Variants in ARAP3 observed in about 807,000 individuals in gnomAD.
The protein encoded by ARAP3 is ArfGAP with RhoGAP domain, ankyrin repeat and PH domain 3.
A neutral mutation model predicts 169.2 loss-of-function variants in ARAP3; 82 were observed. The observed-to-expected ratio is 0.48, with a 90% CI of 0.41 to 0.58. The LOEUF (loss-of-function observed/expected upper bound fraction) is 0.58, where lower values mean the gene tolerates loss of function less well. Ranked by LOEUF, ARAP3 falls within the 20% of genes least tolerant of loss-of-function variation. The pLI is 0.00. For missense variants in ARAP3, 1,764 were observed against 2,018.0 expected, an observed-to-expected ratio of 0.87 and a Z score of 2.41; for synonymous variants, 791 against 800.3, an observed-to-expected ratio of 0.99 and a Z score of 0.20.
At chr5:141,661,991 G>A (rs1044379666) in intron 20 of ARAP3, 52 bp downstream of exon 20, 8 of 1,603,876 alleles carry the variant, frequency 5.0e-6, no homozygotes, top group South Asian at 1.1e-5. Context: ...ATTCTGGTGG[G>A]GGAAGGCAGA....
Position 141,673,396 on chromosome 5 carries a change from C to T in ARAP3, c.972+5G>A. ...TCCATATCGTCACATCTCCCAGCCC[C>T]CCACCTTGTCACTGCCAAAGTACAT... On this transcript the variant is annotated splice_donor_5th_base_variant and intron_variant, in intron 6 of 32. Coordinates refer to ENST00000239440, the MANE Select transcript of ARAP3 (RefSeq NM_022481.6). The T allele has an allele frequency of 1.9e-6, 3 of 1,614,116 alleles. No individual in the cohort carries two copies. Among genetic ancestry groups the T allele is most frequent in the Non-Finnish European group, 2.5e-6 (3 of 1,179,998 alleles).
chr5:141,668,760 G>A (rs940137511), intron 16 of ARAP3, among the ~76,000 whole-genome samples: 9 of 152,206 alleles, frequency 5.9e-5, no homozygotes, highest in Admixed American at 5.2e-4. Flanking sequence ...AGTGCCGGAT[G>A]CTGCAGAGAT....
At chr5:141,665,470 G>A (rs2099910506) in intron 17 of ARAP3, 96 bp from the exon 18 acceptor site, 2 of 1,323,078 alleles carry the variant, frequency 1.5e-6, no homozygotes, top group East Asian at 2.3e-5. Context: ...GCCAGGCTAG[G>A]AGCATTACAA....
intron 4 of ARAP3, 151 bp from the exon 5 acceptor site, chr5:141,673,959 C>CTTTTTTTTTTT (rs10712701): frequency 1.5e-5 from 5 of 341,224 alleles, no homozygotes; most frequent in South Asian, 3.6e-5. Flanking sequence ...TTCTTTTCTT[C>CTTTTTTTTTTT]TTTTTTTTTT....
intron 17 of ARAP3, among the ~76,000 whole-genome samples, chr5:141,665,900 G>A (rs193017773): frequency 2.6e-5 from 4 of 151,666 alleles, no homozygotes; most frequent in South Asian, 2.1e-4. Context: ...GCGTGGTGGC[G>A]GACACCTGTA....
At chr5:141,660,490 T>C in intron 21 of ARAP3, among the ~76,000 whole-genome samples, 1 of 145,530 alleles carries the variant, frequency 6.9e-6, no homozygotes, top group African/African-American at 2.5e-5. Context: ...CAAGACTCCG[T>C]CTCAAAAAAA....
chr5:141,666,640 A>G lies in ARAP3; in HGVS notation c.2356T>C (p.Phe786Leu), dbSNP rs1420547540. Reference protein sequence around the residue: ...EAWTSAVGKWFSPLSCHQLLG... With the variant: ...EAWTSAVGKWLSPLSCHQLLG... ...AGCTGGTGGCAGCTCAGCGGGGAGAACCACTGTAGAGGCAGGGGGAGGACA... is the reference window on the plus strand; with the variant it reads ...AGCTGGTGGCAGCTCAGCGGGGAGAGCCACTGTAGAGGCAGGGGGAGGACA... The change falls in exon 17 of 33, where the codon TTC becomes CTC. Residue 786 changes from phenylalanine (F) to leucine (L), a missense_variant. Physicochemically the swap from Phe to Leu is conservative, Grantham distance 22. This residue lies in a region of ARAP3 where 1,112 missense variants were observed against 1,285.7 expected (regional missense o/e 0.86). Coordinates refer to ENST00000239440, the MANE Select transcript of ARAP3 (RefSeq NM_022481.6). 7.1e-7 allele frequency: 1 copy of G among 1,407,340 alleles called. No individual in the cohort carries two copies. The highest frequency in any genetic ancestry group is 9.3e-7 in the Non-Finnish European group (1 of 1,072,754). 87.2% of individuals were successfully genotyped at this position (1,407,340 alleles called of 1,614,324 possible). A position where few individuals can be genotyped will look rare whatever the true frequency, so the allele number is the denominator to read the frequency against.
chr5:141,671,836 G>T lies in ARAP3; in HGVS notation c.1671+59C>A. On this transcript the variant is annotated intron_variant, in intron 11 of 32. Transcript: ENST00000239440. This position sits in a 1 kb window ranked among gnomAD's most constrained non-coding sequence, Gnocchi z 4.9. ...CATTCCTGTCCCCAGGCTGGCCCAA[G>T]GCCTGCTTCTGGACGCTCCCTTCTA... The T allele has an allele frequency of 1.2e-6, 2 of 1,612,776 alleles. No individual in the cohort carries two copies. Among genetic ancestry groups the T allele is most frequent in the Non-Finnish European group, 8.5e-7 (1 of 1,179,038 alleles).
In ARAP3 at chr5:141,653,926, C is replaced by A. The variant is rs2099908853; in HGVS notation, c.*24G>T. The A allele has an allele frequency of 1.3e-6, 2 of 1,510,694 alleles. No homozygotes were observed. The highest frequency in any genetic ancestry group is 2.8e-5 in the African/African-American group (2 of 71,496). The allele number at this position is 1,510,694 out of a possible 1,614,324, so 93.6% of individuals were successfully genotyped here. A position where few individuals can be genotyped will look rare whatever the true frequency, so the allele number is the denominator to read the frequency against. On this transcript the variant is annotated 3_prime_UTR_variant, in exon 33 of 33. Coordinates refer to ENST00000239440, the MANE Select transcript of ARAP3 (RefSeq NM_022481.6). Reference sequence around the variant, plus strand: ...AGTTTCTGGGTCTTCTGGTACCTACCCTCTCAGACTGCTGGTCCTAGGGTC... The same window carrying A: ...AGTTTCTGGGTCTTCTGGTACCTACACTCTCAGACTGCTGGTCCTAGGGTC...
Position 141,673,373 on chromosome 5 carries a change from C to T in ARAP3, c.972+28G>A, listed in dbSNP as rs542476091. On this transcript the variant is annotated intron_variant, in intron 6 of 32. Transcript: ENST00000239440. The stretch of plus-strand genomic sequence containing the variant: ...CTCAGCCCTCCCTCTCCCTCATCTC[C>T]ATATCGTCACATCTCCCAGCCCCCC... The T allele has an allele frequency of 9.0e-5, 145 of 1,613,832 alleles. 1 individual carries two copies. In the East Asian group the frequency reaches 3.1e-3, roughly 35 times the overall value.
Position 141,670,563 on chromosome 5 carries a change from T to G in ARAP3, c.2056A>C (p.Ser686Arg). Residue 686 changes from serine to arginine, a missense_variant, in exon 14 of 33, where the codon AGT (serine) becomes CGT (arginine). Coordinates refer to ENST00000239440, the MANE Select transcript of ARAP3 (RefSeq NM_022481.6). ...RATYSGFLYC[S>R]PVSNKAGPSP... ...GGTCCAGCTTTGTTGCTGACGGGAC[T>G]GCAGTACAGGAAGCCGCTGTAAGTA... The G allele has an allele frequency of 6.2e-7, 1 of 1,614,118 alleles. No individual in the cohort carries two copies. The highest frequency in any genetic ancestry group is 1.3e-5 in the African/African-American group (1 of 75,036).
chr5:141,671,129 G>T lies in ARAP3; in HGVS notation c.1990+136C>A. The T allele has an allele frequency of 1.7e-6, 2 of 1,190,480 alleles. No homozygotes were observed. Among genetic ancestry groups the T allele is most frequent in the Non-Finnish European group, 2.4e-6 (2 of 839,752 alleles). The allele number at this position is 1,190,480 out of a possible 1,614,324, so 73.7% of individuals were successfully genotyped here. A position where few individuals can be genotyped will look rare whatever the true frequency, so the allele number is the denominator to read the frequency against. On this transcript the variant is annotated intron_variant, in intron 13 of 32. Coordinates refer to ENST00000239440, the MANE Select transcript of ARAP3 (RefSeq NM_022481.6). The surrounding 1 kb of genome is among the most constrained non-coding windows in gnomAD (Gnocchi z 4.9). The stretch of plus-strand genomic sequence containing the variant: ...CACATGACATCAGGAGATAGGCCCT[G>T]GAGGATCTGAGGGTTTGGGAAACTG...
In ARAP3 at chr5:141,677,107, T is replaced by TA. The variant is rs535097743; in HGVS notation, c.698+2437dup. Among the ~76,000 whole-genome samples, 65 of 152,256 alleles carry TA rather than the reference T, an allele frequency of 4.3e-4. No homozygotes were observed. In the East Asian group the frequency reaches 0.01, roughly 23 times the overall value. On this transcript the variant is annotated intron_variant, in intron 4 of 32. Coordinates refer to ENST00000239440, the MANE Select transcript of ARAP3 (RefSeq NM_022481.6). Reference sequence around the variant, plus strand: ...TTTTAAACTTTTCAGTAGCCACGTTTAAAAAAATTAAAAGAAACAGGTGAA... The same window carrying TA: ...TTTTAAACTTTTCAGTAGCCACGTTTAAAAAAAATTAAAAGAAACAGGTGAA...
At position 141,661,846 on chromosome 5, in the gene ARAP3, G is replaced by T. The variant is rs2099910016; in HGVS notation, c.3014-57C>A. ...ACCCGGGAAGAAAGAGTGGCAGCTG[G>T]TACAGAGGGAGGGATTTTTAGGCAC... is the stretch of plus-strand genomic sequence containing the variant. On this transcript the variant is annotated intron_variant, in intron 20 of 32. Transcript: ENST00000239440. 22 of 1,580,478 alleles carry T rather than the reference G, an allele frequency of 1.4e-5. No individual in the cohort carries two copies. In the South Asian group the frequency reaches 2.3e-4, roughly 17 times the overall value.
In ARAP3 at chr5:141,680,621, G is replaced by T; in HGVS notation, c.-17-118C>A. The T allele has an allele frequency of 2.1e-6, 3 of 1,400,374 alleles. No individual in the cohort carries two copies. The South Asian group carries it at 4.5e-5, about 21-fold the overall frequency. The allele number at this position is 1,400,374 out of a possible 1,614,324, so 86.7% of individuals were successfully genotyped here. On this transcript the variant is annotated intron_variant, in intron 1 of 32. Coordinates refer to ENST00000239440, the MANE Select transcript of ARAP3 (RefSeq NM_022481.6). ...CAATCTTCCTCCAAAGAAAGATGCT[G>T]AAAGGCCTGCGATCTGGAAGCAGAG... is the stretch of plus-strand genomic sequence containing the variant.
In ARAP3 at chr5:141,655,908, A is replaced by G. The variant is rs772593777; in HGVS notation, c.3933T>C (p.Asp1311=). The G allele has an allele frequency of 6.2e-7, 1 of 1,613,990 alleles. No homozygotes were observed. The highest frequency in any genetic ancestry group is 8.5e-7 in the Non-Finnish European group (1 of 1,179,910). ...MHLYLSCTDE[D]EMWDWTTSIL... ...TGCTGGTGGTCCAATCCCACATTTC[A>G]TCCTCGTCAGTGCAGGACAAGTAGC... is the stretch of plus-strand genomic sequence containing the variant. The change falls in exon 30 of 33, where the codon GAT becomes GAC. Residue 1311 remains aspartate, a synonymous_variant. Coordinates refer to ENST00000239440, the MANE Select transcript of ARAP3 (RefSeq NM_022481.6).
rs762947214 is a variant in ARAP3, at chr5:141,680,615, GA to G, written c.-17-113del. 8.1e-5 allele frequency: 114 copies of G among 1,415,218 alleles called. No individual in the cohort carries two copies. In the Middle Eastern group the frequency reaches 1.0e-3, roughly 12 times the overall value. 87.7% of individuals were successfully genotyped at this position (1,415,218 alleles called of 1,614,324 possible). A position where few individuals can be genotyped will look rare whatever the true frequency, so the allele number is the denominator to read the frequency against. ...AGCCTCCAATCTTCCTCCAAAGAAA[GA>G]TGCTGAAAGGCCTGCGATCTGGAAG... On this transcript the variant is annotated intron_variant, in intron 1 of 32. Transcript: ENST00000239440.
intron 21 of ARAP3, among the ~76,000 whole-genome samples, chr5:141,660,133 T>G (rs2099909734): frequency 6.6e-6 from 1 of 152,196 alleles, no homozygotes; most frequent in Non-Finnish European, 1.5e-5. Flanking sequence ...ATTTTAGGCT[T>G]GCAGGACAGA....
intron 22 of ARAP3, 114 bp downstream of exon 22, chr5:141,659,665 C>A: frequency 6.8e-7 from 1 of 1,464,778 alleles, no homozygotes; most frequent in Non-Finnish European, 9.3e-7. Context: ...CCTGGTATAG[C>A]TGGCCACCAG....
Sources: allele counts gnomAD v4.1 joint callset (sites outside exome capture counted in the v4.1 genomes callset), GRCh38; gene constraint gnomAD v4.1.1; regional missense constraint gnomAD v4.1.1; non-coding constraint Gnocchi (gnomAD v3.1); transcripts MANE v1.5; gene names NCBI Gene and HGNC (gene_info 2026-07-23, HGNC 2026-07-21).